APOOL: variants seen among roughly 807,000 people sequenced by gnomAD.
The protein encoded by APOOL is MICOS complex subunit MIC27.
APOOL carries 12 observed loss-of-function variants against 23.1 expected under a neutral mutation model. The ratio of observed to expected loss-of-function variants is 0.52; its 90% CI spans 0.33 to 0.84. The LOEUF is 0.84. APOOL is among the 40% of genes least tolerant of loss of function. The pLI is 0.02. For missense variants in APOOL, 212 were observed against 199.6 expected (o/e 1.06, Z -0.37); for synonymous variants, 77 against 69.9 (o/e 1.10, Z -0.51).
At chrX:85,080,245 T>A (rs1159090554) in intron 8 of APOOL, among the ~76,000 whole-genome samples, 2 of 112,323 alleles carry the variant, frequency 1.8e-5, no homozygotes, top group Admixed American at 9.4e-5. Flanking sequence ...TAAATTTCCT[T>A]CTACACACTG....
intron 2 of APOOL, among the ~76,000 whole-genome samples, chrX:85,048,874 C>T (rs976242615): frequency 2.9e-4 from 32 of 110,786 alleles, no homozygotes; most frequent in Admixed American, 7.7e-4. Context: ...ATTAAATCTC[C>T]CTTTAATAGA....
chrX:85,007,545 T>C (rs1217531320), intron 1 of APOOL, among the ~76,000 whole-genome samples: 3 of 111,809 alleles, frequency 2.7e-5, no homozygotes, highest in Non-Finnish European at 5.6e-5. Context: ...AAACGATTTC[T>C]AATAATTGCA....
chrX:85,052,075 A>C (rs1395619242), intron 3 of APOOL, among the ~76,000 whole-genome samples: 1 of 112,097 alleles, frequency 8.9e-6, no homozygotes, highest in Non-Finnish European at 1.9e-5. Context: ...AAGTAGCAGC[A>C]AATAATTTGT....
intron 1 of APOOL, among the ~76,000 whole-genome samples, chrX:85,020,644 C>T (rs1249352123): frequency 3.6e-5 from 4 of 111,505 alleles, no homozygotes; most frequent in African/African-American, 1.3e-4. Context: ...AGGTTCTGGA[C>T]TGTCCTCAAT....
rs181627452 is a variant in APOOL at position 85,019,408 on chromosome X, C to A, written c.15+15481C>A. On this transcript the variant is annotated intron_variant, in intron 1 of 8. Transcript: ENST00000373173. ...TACCATCTTTGAAACACAGAGCCAGCCCTCATTAGAGACTGTTAATCTTCT... is the reference window on the plus strand; with the variant it reads ...TACCATCTTTGAAACACAGAGCCAGACCTCATTAGAGACTGTTAATCTTCT... Among the ~76,000 whole-genome samples, 4 of 112,228 alleles carry A rather than the reference C, an allele frequency of 3.6e-5. No individual in the cohort carries two copies. In the Admixed American group the frequency reaches 3.8e-4, roughly 11 times the overall value.
At chrX:85,032,470 C>T (rs6653042) in intron 1 of APOOL, among the ~76,000 whole-genome samples, 2,926 of 108,022 alleles carry the variant, frequency 0.027, 90 homozygotes, top group African/African-American at 0.093. Flanking sequence ...GCCGAGATCG[C>T]GCCATTGCAC....
intron 8 of APOOL, among the ~76,000 whole-genome samples, chrX:85,077,072 T>C (rs765354205): frequency 4.1e-3 from 212 of 51,301 alleles, no homozygotes; most frequent in South Asian, 0.035. Context: ...TATATATATA[T>C]ATACATATAT....
At chrX:85,031,364 G>A (rs778298338) in intron 1 of APOOL, among the ~76,000 whole-genome samples, 1 of 111,118 alleles carries the variant, frequency 9.0e-6, no homozygotes, top group East Asian at 2.8e-4. Flanking sequence ...GTCCTTAGTC[G>A]TGCAAAGTCT....
In APOOL at chrX:85,092,803, G is replaced by T; in HGVS notation, c.*5125G>T. 1 of 343,943 alleles carries T rather than the reference G, an allele frequency of 2.9e-6. No homozygotes were observed. The highest frequency in any genetic ancestry group is 5.0e-6 in the Non-Finnish European group (1 of 200,000). The allele number at this position is 343,943 out of a possible 1,213,427, so 28.3% of individuals were successfully genotyped here. On this transcript the variant is annotated 3_prime_UTR_variant, in exon 9 of 9. Transcript: ENST00000373173. Reference sequence around the variant, plus strand: ...TGCAAAGCCTTTATCATACAGAAAAGGTGTACCTAAAAGAACACATGTTCT... The same window carrying T: ...TGCAAAGCCTTTATCATACAGAAAATGTGTACCTAAAAGAACACATGTTCT...
intron 6 of APOOL, among the ~76,000 whole-genome samples, chrX:85,069,636 A>T (rs1332537866): frequency 9.3e-6 from 1 of 107,889 alleles, no homozygotes; most frequent in South Asian, 4.0e-4. Context: ...AAAAAAAAAA[A>T]ATCTTTCCTT....
chrX:85,011,819 A>G (rs752659640), intron 1 of APOOL, among the ~76,000 whole-genome samples: 5 of 111,637 alleles, frequency 4.5e-5, no homozygotes, highest in African/African-American at 9.8e-5. Context: ...TACTTCAGCT[A>G]TGTGGGCTCT....
rs748261281 is a variant in APOOL, at chrX:85,064,428, G to A, written c.395-2699G>A. ...ATTTCTTGTCTTCTGCTAGGTCTGC[G>A]GTTTGTTGGCTCTTGGTTCTCTAGT... On this transcript the variant is annotated intron_variant, in intron 5 of 8. Coordinates refer to ENST00000373173, the MANE Select transcript of APOOL (RefSeq NM_198450.6). Among the ~76,000 whole-genome samples the A allele has an allele frequency of 1.5e-4, 16 of 105,302 alleles. 1 individual carries two copies. The highest frequency in any genetic ancestry group is 9.0e-4 in the East Asian group (3 of 3,332). 91.4% of individuals were successfully genotyped at this position (105,302 alleles called of 115,157 possible).
At chrX:85,003,990 G>A (rs1487691400) in intron 1 of APOOL, 63 bp downstream of exon 1, 3 of 1,180,470 alleles carry the variant, frequency 2.5e-6, no homozygotes, top group South Asian at 1.8e-5. Context: ...AACTGTAAAA[G>A]GGATCCTACT....
At chrX:85,021,065 A>T (rs183364505) in intron 1 of APOOL, among the ~76,000 whole-genome samples, 148 of 112,093 alleles carry the variant, frequency 1.3e-3, no homozygotes, top group African/African-American at 4.5e-3. Flanking sequence ...TAGCACCCTT[A>T]GCCTTTGACA....
chrX:85,018,992 G>C (rs1386162207), intron 1 of APOOL, among the ~76,000 whole-genome samples: 3 of 111,212 alleles, frequency 2.7e-5, no homozygotes, highest in African/African-American at 9.8e-5. Flanking sequence ...GTCTGTGGTG[G>C]CTATAGTGGC....
intron 2 of APOOL, 95 bp downstream of exon 2, chrX:85,046,645 T>C: frequency 1.4e-6 from 1 of 697,578 alleles, no homozygotes; most frequent in Non-Finnish European, 2.1e-6. Flanking sequence ...CAAAAATGTC[T>C]TAGAAGTCTT....
intron 8 of APOOL, among the ~76,000 whole-genome samples, chrX:85,077,037 A>G (rs1380105939): frequency 1.1e-5 from 1 of 92,857 alleles, no homozygotes; most frequent in Non-Finnish European, 2.1e-5. Flanking sequence ...ATGTATGTAT[A>G]TATATACGTA....
intron 5 of APOOL, among the ~76,000 whole-genome samples, chrX:85,057,361 T>C (rs937128844): frequency 5.5e-5 from 6 of 108,821 alleles, no homozygotes; most frequent in African/African-American, 1.3e-4. Flanking sequence ...GTCAGGTACT[T>C]TGTAGTTTGT....
At chrX:85,050,434 G>T (rs1350928779) in intron 2 of APOOL, among the ~76,000 whole-genome samples, 2 of 109,486 alleles carry the variant, frequency 1.8e-5, no homozygotes, top group South Asian at 4.0e-4. Context: ...CATTTTTCAA[G>T]AAAACAATAT....
Sources: allele counts gnomAD v4.1 joint callset (sites outside exome capture counted in the v4.1 genomes callset), GRCh38; gene constraint gnomAD v4.1.1; transcripts MANE v1.5; gene names NCBI Gene and HGNC (gene_info 2026-07-23, HGNC 2026-07-21).